BTD: variants seen among roughly 807,000 people sequenced by gnomAD.
BTD encodes biotinidase.
A neutral mutation model predicts 17.7 loss-of-function variants in BTD; 13 were observed. The observed-to-expected ratio is 0.74, with a 90% confidence interval of 0.48 to 1.17. The LOEUF (loss-of-function observed/expected upper bound fraction) is 1.17. BTD is among the 50% of genes most tolerant of loss of function. The pLI is 0.00. For missense variants in BTD, 674 were observed against 650.4 expected (o/e 1.04, Z -0.39); for synonymous variants, 240 against 245.2 (o/e 0.98, Z 0.20).
At chr3:15,619,734 C>A (rs183075734) in intron 1 of BTD, among the ~76,000 whole-genome samples, 1 of 152,304 alleles carries the variant, frequency 6.6e-6, no homozygotes, top group Admixed American at 6.5e-5. Context: ...GGAGAACCCA[C>A]CCCCAATATT....
At chr3:15,678,978 T>C (rs1329353896) in intron 3 of BTD, among the ~76,000 whole-genome samples, 5 of 152,132 alleles carry the variant, frequency 3.3e-5, no homozygotes, top group Middle Eastern at 6.3e-3. Context: ...TAAAACCTTT[T>C]TGGGGGGTAG....
chr3:15,681,608 T>C (rs1455916446), intron 3 of BTD, among the ~76,000 whole-genome samples: 1 of 151,402 alleles, frequency 6.6e-6, no homozygotes, highest in East Asian at 1.9e-4. Flanking sequence ...ATGTTATATT[T>C]TCTTTTCTTT....
At chr3:15,616,928 G>A (rs899106327) in intron 1 of BTD, among the ~76,000 whole-genome samples, 1 of 152,026 alleles carries the variant, frequency 6.6e-6, no homozygotes, top group African/African-American at 2.4e-5. Context: ...CGCCTCCTGG[G>A]TTAAAGCAAT....
downstream of BTD, among the ~76,000 whole-genome samples, chr3:15,656,055 G>A (rs1038797589): frequency 4.6e-5 from 7 of 152,032 alleles, no homozygotes; most frequent in African/African-American, 7.3e-5. Flanking sequence ...CACCCACCTC[G>A]GCCTCCCAAA....
chr3:15,661,712 G>C (rs548456206), intron 3 of BTD, among the ~76,000 whole-genome samples: 1 of 152,258 alleles, frequency 6.6e-6, no homozygotes, highest in South Asian at 2.1e-4. Context: ...AAAAGTCATT[G>C]TGAAACCCAA....
At chr3:15,695,274 T>A in intron 3 of BTD, 2 of 1,224,954 alleles carry the variant, frequency 1.6e-6, no homozygotes, top group Non-Finnish European at 2.4e-6. Context: ...ATATTAAGTC[T>A]CAACTTATAT....
intron 3 of BTD, among the ~76,000 whole-genome samples, chr3:15,661,816 T>A (rs2065928367): frequency 6.6e-6 from 1 of 152,240 alleles, no homozygotes; most frequent in South Asian, 2.1e-4. Context: ...GGATGTAAGA[T>A]CTGTGTCTAG....
At position 15,644,951 on chromosome 3, in the gene BTD, G is replaced by A. The variant is rs768786956; in HGVS notation, c.1035G>A (p.Leu345=). The A allele has an allele frequency of 3.1e-6, 5 of 1,613,990 alleles. No homozygotes were observed. The highest frequency in any genetic ancestry group is 4.2e-6 in the Non-Finnish European group (5 of 1,180,030). Residue 345 remains leucine, a synonymous_variant, in exon 4 of 4, where the codon TTG becomes TTA. Coordinates refer to ENST00000643237, the MANE Select transcript of BTD (RefSeq NM_001370658.1). The stretch of plus-strand genomic sequence containing the variant: ...CCCATAGTAAGTTTTTAAAAATTTT[G>A]TCAGGCGATCCGTACTGTGAGAAGG... ...DPSHSKFLKI[L]SGDPYCEKDA...
exon 5 of BTD, among the ~76,000 whole-genome samples, chr3:15,722,282 C>A (rs370723494): frequency 6.6e-6 from 1 of 152,112 alleles, no homozygotes; most frequent in African/African-American, 2.4e-5. Context: ...TATAATGGAG[C>A]CCCAATAAAA....
intron 1 of BTD, among the ~76,000 whole-genome samples, chr3:15,610,499 A>G (rs1016978566): frequency 3.3e-5 from 5 of 152,358 alleles, no homozygotes; most frequent in Middle Eastern, 3.4e-3. Flanking sequence ...TCAATTTACC[A>G]TAACATCCAG....
rs398123140 is a variant in BTD, at chr3:15,644,598, A to G, written c.682A>G (p.Ile228Val). 3 of 1,614,164 alleles carry G rather than the reference A, an allele frequency of 1.9e-6. No homozygotes were observed. The highest frequency in any genetic ancestry group is 2.5e-6 in the Non-Finnish European group (3 of 1,180,028). ...GRFGIFTCFD[I>V]LFFDPAIRVL... ...GTTTGGCATCTTCACATGCTTTGAT[A>G]TATTGTTCTTTGACCCTGCCATCAG... The change falls in exon 4 of 4, where the codon ATA becomes GTA. Residue 228 changes from isoleucine (I) to valine (V), a missense_variant. Coordinates refer to ENST00000643237, the MANE Select transcript of BTD (RefSeq NM_001370658.1).
intron 3 of BTD, among the ~76,000 whole-genome samples, chr3:15,662,249 C>T (rs1473369536): frequency 2.6e-5 from 4 of 152,144 alleles, no homozygotes; most frequent in South Asian, 2.1e-4. Flanking sequence ...TATTCATGAA[C>T]GGACTATCTC....
chr3:15,656,511 C>T (rs908183109), downstream of BTD, among the ~76,000 whole-genome samples: 1 of 152,204 alleles, frequency 6.6e-6, no homozygotes, highest in African/African-American at 2.4e-5. Context: ...GTTCTTTGTG[C>T]TCTTGCAATC....
At chr3:15,622,031 ATATGTGTCTTCTC>A (rs1344717350) in intron 1 of BTD, among the ~76,000 whole-genome samples, 1 of 152,044 alleles carries the variant, frequency 6.6e-6, no homozygotes, top group Non-Finnish European at 1.5e-5. Context: ...CATGTCAGTA[ATATGTGTCTTCTC>A]TATTTTTTTT....
At position 15,650,519 on chromosome 3, in the gene BTD, C is replaced by T. The variant is rs995262774; in HGVS notation, c.*5031C>T. Among the ~76,000 whole-genome samples, 3 of 152,070 alleles carry T rather than the reference C, an allele frequency of 2.0e-5. No homozygotes were observed. Among genetic ancestry groups the T allele is most frequent in the Non-Finnish European group, 4.4e-5 (3 of 68,002 alleles). On this transcript the variant is annotated 3_prime_UTR_variant, in exon 4 of 4. Coordinates refer to ENST00000643237, the MANE Select transcript of BTD (RefSeq NM_001370658.1). ...TCAGCCATTGCTGAATCTAGGGGCT[C>T]AAATGGTGTCTCTGGACACAGTATC... is the stretch of plus-strand genomic sequence containing the variant.
chr3:15,694,388 T>C (rs1477408157), intron 3 of BTD, among the ~76,000 whole-genome samples: 7 of 152,170 alleles, frequency 4.6e-5, no homozygotes, highest in South Asian at 2.1e-4. Context: ...TACCATCTGC[T>C]TAGCCAACTT....
intron 4 of BTD, among the ~76,000 whole-genome samples, chr3:15,720,488 T>C (rs1037040366): frequency 6.6e-6 from 1 of 152,240 alleles, no homozygotes; most frequent in African/African-American, 2.4e-5. Context: ...ATCTGTTTAG[T>C]ATTTTCCTTC....
At chr3:15,694,876 CCA>C in intron 3 of BTD, 1 of 1,476,474 alleles carries the variant, frequency 6.8e-7, no homozygotes, top group East Asian at 2.3e-5. Context: ...TCTCTCCCAC[CCA>C]CCCAGTTCAA....
At chr3:15,682,248 C>T (rs2067624819) in intron 3 of BTD, among the ~76,000 whole-genome samples, 1 of 151,976 alleles carries the variant, frequency 6.6e-6, no homozygotes, top group Admixed American at 6.6e-5. Flanking sequence ...TTAAATAAAT[C>T]AGTAAGTATT....
Sources: gnomAD v4.1 joint callset for allele counts (sites outside exome capture counted in the v4.1 genomes callset) on GRCh38, gnomAD v4.1.1 for gene constraint, MANE v1.5 for transcripts, NCBI Gene and HGNC (gene_info 2026-07-23, HGNC 2026-07-21) for gene names.